CCDC14: variants seen among roughly 807,000 people sequenced by gnomAD.
CCDC14 encodes the protein coiled-coil domain-containing protein 14.
In CCDC14, 71 loss-of-function variants were observed where a neutral mutation model predicts 81.4. The observed-to-expected ratio is 0.87, with a 90% confidence interval of 0.72 to 1.06. The LOEUF (loss-of-function observed/expected upper bound fraction) is 1.06. CCDC14 is among the 50% of genes least tolerant of loss of function. The pLI is 0.00. For synonymous variants in CCDC14, 332 were observed against 364.8 expected (o/e 0.91, Z 1.03); for missense variants, 1,046 against 1,047.3 (o/e 1.00, Z 0.02).
At chr3:123,946,339 G>A (rs1276378295) in intron 8 of CCDC14, among the ~76,000 whole-genome samples, 1 of 151,942 alleles carries the variant, frequency 6.6e-6, no homozygotes, top group Non-Finnish European at 1.5e-5. Context: ...ACACTGAAAA[G>A]GGCATAAGAA....
At chr3:123,910,408 A>G (rs1237057953), downstream of CCDC14, among the ~76,000 whole-genome samples, 1 of 152,050 alleles carries the variant, frequency 6.6e-6, no homozygotes, top group East Asian at 1.9e-4. Context: ...AAACCGGTGG[A>G]CATCAGAAGA....
rs1327713769 is a variant in CCDC14 at position 123,931,366 on chromosome 3, ATCTTTG to A, written c.1581_1586del (p.Lys528_Asp529del). The A allele has an allele frequency of 6.6e-7, 1 of 1,523,424 alleles. No individual in the cohort carries two copies. The highest frequency in any genetic ancestry group is 2.4e-5 in the East Asian group (1 of 40,884). The allele number at this position is 1,523,424 out of a possible 1,614,324, so 94.4% of individuals were successfully genotyped here. ...GCTGTTTATTTTCAAGTATAGTTTG[ATCTTTG>A]TCTTTAAATATACTACTAAATTTTT... On this transcript the variant is annotated inframe_deletion, in exon 11 of 13. Transcript: ENST00000409697.
chr3:123,905,383 C>A (rs951639119), intron 5 of CCDC14, among the ~76,000 whole-genome samples: 4 of 152,138 alleles, frequency 2.6e-5, no homozygotes, highest in Non-Finnish European at 5.9e-5. Flanking sequence ...TTCTGGGGGG[C>A]AGAAGAGCAG....
chr3:123,904,929 A>T (rs1408962284), intron 5 of CCDC14, among the ~76,000 whole-genome samples: 1 of 152,216 alleles, frequency 6.6e-6, no homozygotes, highest in Non-Finnish European at 1.5e-5. Context: ...GGGAGAAAGG[A>T]TCATTTTACC....
rs558948429 is a variant in CCDC14, at chr3:123,924,034, C to G, written c.1778+7068G>C. Among the ~76,000 whole-genome samples, 16 of 148,952 alleles carry G rather than the reference C, an allele frequency of 1.1e-4. No homozygotes were observed. The South Asian group carries it at 3.4e-3, about 32-fold the overall frequency. The stretch of plus-strand genomic sequence containing the variant: ...AAAAAGAACAAAGCTGGGGGCACCA[C>G]ATTCCCTGATTTCAAAATATATTAA... On this transcript the variant is annotated intron_variant, in intron 12 of 12. Coordinates refer to ENST00000409697, the MANE Select transcript of CCDC14 (RefSeq NM_001366335.1).
chr3:123,914,542 C>T lies in CCDC14; in HGVS notation c.*237G>A. ...TGCTAAGTACTGAAATAAAACATTA[C>T]TTACAATAATTTCCTAGTTATCCAC... On this transcript the variant is annotated 3_prime_UTR_variant, in exon 13 of 13. Coordinates refer to ENST00000409697, the MANE Select transcript of CCDC14 (RefSeq NM_001366335.1). The T allele has an allele frequency of 8.5e-7, 1 of 1,176,088 alleles. No homozygotes were observed. The highest frequency in any genetic ancestry group is 1.1e-6 in the Non-Finnish European group (1 of 951,222). 72.9% of individuals were successfully genotyped at this position (1,176,088 alleles called of 1,614,324 possible).
In CCDC14 at chr3:123,948,793, T is replaced by C; in HGVS notation, c.590-8A>G. The C allele has an allele frequency of 6.3e-7, 1 of 1,591,856 alleles. No individual in the cohort carries two copies. The highest frequency in any genetic ancestry group is 8.5e-7 in the Non-Finnish European group (1 of 1,171,750). On this transcript the variant is annotated splice_polypyrimidine_tract_variant and splice_region_variant and intron_variant, in intron 6 of 12. Coordinates refer to ENST00000409697, the MANE Select transcript of CCDC14 (RefSeq NM_001366335.1). ...GAGGAGTTGCCTGAGATTCTGTAAG[T>C]AAGAGGGAGAAAAAATTAATCACAT...
At chr3:123,927,168 G>A (rs2035413183) in intron 12 of CCDC14, among the ~76,000 whole-genome samples, 1 of 151,746 alleles carries the variant, frequency 6.6e-6, no homozygotes, top group Non-Finnish European at 1.5e-5. Flanking sequence ...CACTTTGGGA[G>A]GCCAAGGTGG....
chr3:123,956,426 T>C lies in CCDC14; in HGVS notation c.88A>G (p.Thr30Ala). 1 of 1,539,560 alleles carries C rather than the reference T, an allele frequency of 6.5e-7. No individual in the cohort carries two copies. The highest frequency in any genetic ancestry group is 8.8e-7 in the Non-Finnish European group (1 of 1,139,284). Residue 30 changes from threonine to alanine, a missense_variant and splice_region_variant, in exon 3 of 13, where the codon ACC becomes GCC. Physicochemically the swap from Thr to Ala is moderately conservative, Grantham distance 58 (BLOSUM62 0). Transcript: ENST00000409697. ...AAACGTGGTATTTTTCTTAAATAGGTCCTGGAAAACAAGCTTATTAATATT... is the reference window on the plus strand; with the variant it reads ...AAACGTGGTATTTTTCTTAAATAGGCCCTGGAAAACAAGCTTATTAATATT... ...PAKLTNGKKA[T>A]YLRKIPRFNA...
intron 12 of CCDC14, among the ~76,000 whole-genome samples, chr3:123,917,652 A>ATTT (rs56023403): frequency 1.7e-4 from 25 of 150,336 alleles, no homozygotes; most frequent in Admixed American, 1.1e-3. Flanking sequence ...TTTAAAAATG[A>ATTT]TTTTTTTTTT....
At chr3:123,925,275 A>T (rs2035296486) in intron 12 of CCDC14, among the ~76,000 whole-genome samples, 1 of 152,150 alleles carries the variant, frequency 6.6e-6, no homozygotes, top group Non-Finnish European at 1.5e-5. Context: ...AATATAAAAA[A>T]GTTGAACTCA....
At chr3:123,903,864 A>C (rs2034240798) in intron 5 of CCDC14, among the ~76,000 whole-genome samples, 1 of 152,038 alleles carries the variant, frequency 6.6e-6, no homozygotes, top group African/African-American at 2.4e-5. Context: ...TGTGATTCTG[A>C]AGCCAGCAGC....
intron 12 of CCDC14, among the ~76,000 whole-genome samples, chr3:123,929,500 G>A (rs572707759): frequency 3.3e-5 from 5 of 152,008 alleles, no homozygotes; most frequent in Non-Finnish European, 5.9e-5. Flanking sequence ...ACAGGGTTTT[G>A]CTGTGTTGCC....
In CCDC14 at chr3:123,913,715, G is replaced by T. The variant is rs2034507715; in HGVS notation, c.*1064C>A. On this transcript the variant is annotated 3_prime_UTR_variant, in exon 13 of 13. Coordinates refer to ENST00000409697, the MANE Select transcript of CCDC14 (RefSeq NM_001366335.1). ...ACCAAAAAAACAAAAAACACGAGGAGGTTCTGGGATTAGGAGAACACTCTT... is the reference window on the plus strand; with the variant it reads ...ACCAAAAAAACAAAAAACACGAGGATGTTCTGGGATTAGGAGAACACTCTT... 1.0e-6 allele frequency: 1 copy of T among 983,434 alleles called. No individual in the cohort carries two copies. Among genetic ancestry groups the T allele is most frequent in the African/African-American group, 1.8e-5 (1 of 56,796 alleles). 60.9% of individuals were successfully genotyped at this position (983,434 alleles called of 1,614,324 possible).
intron 5 of CCDC14, among the ~76,000 whole-genome samples, chr3:123,900,958 G>A (rs1454273177): frequency 6.6e-6 from 1 of 152,170 alleles, no homozygotes; most frequent in Non-Finnish European, 1.5e-5. Flanking sequence ...AGTAGGCCAG[G>A]CGCAGTGGCT....
At position 123,931,570 on chromosome 3, in the gene CCDC14, A is replaced by G. The variant is rs2271968; in HGVS notation, c.1427-44T>C. 4.2e-3 allele frequency: 4,860 copies of G among 1,167,612 alleles called. 245 individuals carry two copies. In the East Asian group the frequency reaches 0.11, roughly 27 times the overall value. The allele number at this position is 1,167,612 out of a possible 1,614,324, so 72.3% of individuals were successfully genotyped here. On this transcript the variant is annotated intron_variant, in intron 10 of 12. Coordinates refer to ENST00000409697, the MANE Select transcript of CCDC14 (RefSeq NM_001366335.1). ...TCAAATAGTTGTTTCCCAAACCTAA[A>G]AAGTACAAACTTGGAAAATACCTGT...
chr3:123,924,169 G>GTT (rs1361900287), intron 12 of CCDC14, among the ~76,000 whole-genome samples: 2 of 152,042 alleles, frequency 1.3e-5, no homozygotes, highest in African/African-American at 4.8e-5. Context: ...TTTCACAAAG[G>GTT]TGACAAGAAA....
Position 123,913,823 on chromosome 3 carries a change from C to T in CCDC14, c.*956G>A. On this transcript the variant is annotated 3_prime_UTR_variant, in exon 13 of 13. Coordinates refer to ENST00000409697, the MANE Select transcript of CCDC14 (RefSeq NM_001366335.1). Reference sequence around the variant, plus strand: ...AAAGTATTAGTGATAACACAACATTCAGCTTCCTAAGAGTTAAAACGTGCT... The same window carrying T: ...AAAGTATTAGTGATAACACAACATTTAGCTTCCTAAGAGTTAAAACGTGCT... The T allele has an allele frequency of 2.0e-6, 2 of 985,284 alleles. No individual in the cohort carries two copies. The highest frequency in any genetic ancestry group is 1.1e-4 in the East Asian group (1 of 8,806). 61.0% of individuals were successfully genotyped at this position (985,284 alleles called of 1,614,324 possible).
At chr3:123,903,377 G>T (rs1481703951) in intron 5 of CCDC14, among the ~76,000 whole-genome samples, 1 of 151,358 alleles carries the variant, frequency 6.6e-6, no homozygotes, top group East Asian at 1.9e-4. Context: ...TATTGCTGGT[G>T]GTATCTATGA....
Sources: allele counts gnomAD v4.1 joint callset (sites outside exome capture counted in the v4.1 genomes callset), GRCh38; gene constraint gnomAD v4.1.1; transcripts MANE v1.5; gene names NCBI Gene and HGNC (gene_info 2026-07-23, HGNC 2026-07-21).